PTPRE: variants seen among roughly 807,000 people sequenced by gnomAD.
PTPRE encodes protein tyrosine phosphatase receptor type E, also known as receptor-type tyrosine-protein phosphatase epsilon.
PTPRE carries 51 observed loss-of-function variants against 102.0 expected under a neutral mutation model. That is an observed-to-expected ratio of 0.50 (90% CI 0.40 to 0.63). The LOEUF (loss-of-function observed/expected upper bound fraction) is 0.63, where lower values mean the gene tolerates loss of function less well. Among genes scored for constraint, PTPRE ranks in the 30% least tolerant of loss-of-function variants. The pLI, the probability that PTPRE is intolerant of heterozygous loss-of-function variation, is 0.00. For synonymous variants in PTPRE, 345 were observed against 348.2 expected (o/e 0.99, Z 0.10); for missense variants, 752 against 915.1 (o/e 0.82, Z 2.30).
intron 2 of PTPRE, among the ~76,000 whole-genome samples, chr10:128,035,971 G>C (rs1005724738): frequency 6.6e-6 from 1 of 152,216 alleles, no homozygotes; most frequent in Non-Finnish European, 1.5e-5. Flanking sequence ...GGGCCAGACA[G>C]TGTGATGCCA....
chr10:127,948,998 CT>C (rs1848826195), intron 1 of PTPRE, among the ~76,000 whole-genome samples: 3 of 152,210 alleles, frequency 2.0e-5, no homozygotes, highest in Admixed American at 1.3e-4. Context: ...GGGATACACC[CT>C]GCCTCTCCTG....
intron 1 of PTPRE, among the ~76,000 whole-genome samples, chr10:127,927,818 G>T (rs1235328113): frequency 1.3e-5 from 2 of 152,204 alleles, no homozygotes; most frequent in African/African-American, 4.8e-5. Context: ...TGATTTGATT[G>T]TACTTTTAAA....
intron 2 of PTPRE, among the ~76,000 whole-genome samples, chr10:128,023,872 G>A (rs1846108679): frequency 6.6e-6 from 1 of 152,132 alleles, no homozygotes; most frequent in African/African-American, 2.4e-5. Context: ...ATAATATTTT[G>A]GTCTTGGTAA....
rs73388013 is a variant in PTPRE at position 128,073,223 on chromosome 10, G to C, written c.1465-114G>C. 1,132 of 1,435,278 alleles carry C rather than the reference G, an allele frequency of 7.9e-4. 10 individuals are homozygous for C. In the African/African-American group the frequency reaches 0.014, roughly 18 times the overall value. 88.9% of individuals were successfully genotyped at this position (1,435,278 alleles called of 1,614,324 possible). ...CCAACTGGGGTCTGGTGCAGACCAT[G>C]GAGGATGAGAGAGTTTTCCTCATTA... On this transcript the variant is annotated intron_variant, in intron 16 of 20. Coordinates refer to ENST00000254667, the MANE Select transcript of PTPRE (RefSeq NM_006504.6).
chr10:127,927,715 G>A (rs181073217), intron 1 of PTPRE, among the ~76,000 whole-genome samples: 7 of 152,272 alleles, frequency 4.6e-5, no homozygotes, highest in East Asian at 1.9e-4. Context: ...AGGTTGTCAC[G>A]TCTTTGAGTA....
intron 11 of PTPRE, among the ~76,000 whole-genome samples, chr10:128,067,551 C>T (rs1014251929): frequency 1.6e-4 from 25 of 152,232 alleles, no homozygotes; most frequent in Admixed American, 6.5e-5. Flanking sequence ...TACATGTGCA[C>T]ACACATGCAC....
At chr10:128,034,509 G>T (rs969786371) in intron 2 of PTPRE, among the ~76,000 whole-genome samples, 15 of 149,726 alleles carry the variant, frequency 1.0e-4, no homozygotes, top group Non-Finnish European at 2.0e-4. Context: ...GGGCAACATA[G>T]TGAGACCCCC....
intron 6 of PTPRE, among the ~76,000 whole-genome samples, chr10:128,053,684 G>A (rs190505001): frequency 2.0e-5 from 3 of 152,338 alleles, no homozygotes; most frequent in African/African-American, 7.2e-5. Context: ...ACACGCAACC[G>A]TGGGGTGTCA....
chr10:128,077,827 C>A, intron 19 of PTPRE, 44 bp downstream of exon 19: 2 of 1,549,974 alleles, frequency 1.3e-6, no homozygotes, highest in Admixed American at 3.5e-5. Context: ...TGGACACAGG[C>A]TGCACCCCCC....
chr10:128,009,276 G>A (rs774648194), intron 2 of PTPRE, among the ~76,000 whole-genome samples: 6 of 152,228 alleles, frequency 3.9e-5, no homozygotes, highest in African/African-American at 1.4e-4. Context: ...TTGCCTTCTC[G>A]TTTGGTTGCC....
At chr10:128,037,801 T>C (rs986566292) in intron 2 of PTPRE, among the ~76,000 whole-genome samples, 21 of 152,314 alleles carry the variant, frequency 1.4e-4, no homozygotes, top group Non-Finnish European at 1.5e-4. Context: ...CTTAAAATTC[T>C]GCATTTTTTT....
chr10:128,070,666 C>T lies in PTPRE; in HGVS notation c.1294-142C>T, dbSNP rs2136025293. On this transcript the variant is annotated intron_variant, in intron 14 of 20. Coordinates refer to ENST00000254667, the MANE Select transcript of PTPRE (RefSeq NM_006504.6). The surrounding 1 kb of genome is among the most constrained non-coding windows in gnomAD (Gnocchi z 4.8). ...CCCTACTAGGCACACATTTGTATTT[C>T]CCAATGCTAAGGAGGCTTCCTGGGT... 1.8e-6 allele frequency: 2 copies of T among 1,136,144 alleles called. No homozygotes were observed. Among genetic ancestry groups the T allele is most frequent in the South Asian group, 1.5e-5 (1 of 65,538 alleles). 70.4% of individuals were successfully genotyped at this position (1,136,144 alleles called of 1,614,324 possible).
At chr10:128,025,394 A>G (rs970437113) in intron 2 of PTPRE, among the ~76,000 whole-genome samples, 4 of 152,168 alleles carry the variant, frequency 2.6e-5, no homozygotes, top group African/African-American at 9.7e-5. Context: ...AGGAAACCCC[A>G]TCTGCAGATT....
At position 127,923,175 on chromosome 10, in the gene PTPRE, A is replaced by G. The variant is rs574839184; in HGVS notation, c.-31+15866A>G. Among the ~76,000 whole-genome samples, 10 of 152,332 alleles carry G rather than the reference A, an allele frequency of 6.6e-5. No individual in the cohort carries two copies. In the South Asian group the frequency reaches 2.1e-3, roughly 32 times the overall value. On this transcript the variant is annotated intron_variant, in intron 1 of 20. Coordinates refer to ENST00000254667, the MANE Select transcript of PTPRE (RefSeq NM_006504.6). ...AGTAATAGCAAAGCAAGTCCAAGAA[A>G]TGTCCAGTGTTTTCTCCCTGTTGTT... is the stretch of plus-strand genomic sequence containing the variant.
At chr10:127,956,715 A>T (rs1849429413) in intron 1 of PTPRE, among the ~76,000 whole-genome samples, 1 of 152,216 alleles carries the variant, frequency 6.6e-6, no homozygotes. Context: ...TGTTGCTCCA[A>T]ATCCTTACCA....
intron 3 of PTPRE, among the ~76,000 whole-genome samples, chr10:128,042,528 G>A (rs1847790192): frequency 6.6e-6 from 1 of 152,208 alleles, no homozygotes; most frequent in Non-Finnish European, 1.5e-5. Context: ...TGCGTGCTTA[G>A]CAAGGCTGCT....
chr10:128,015,491 T>C (rs1845345608), intron 2 of PTPRE, among the ~76,000 whole-genome samples: 1 of 152,054 alleles, frequency 6.6e-6, no homozygotes, highest in Non-Finnish European at 1.5e-5. Flanking sequence ...CTCAGCCTCC[T>C]GAGTAGCTGG....
intron 1 of PTPRE, among the ~76,000 whole-genome samples, chr10:127,950,585 AGGCTG>A (rs751378071): frequency 6.6e-5 from 10 of 152,210 alleles, no homozygotes; most frequent in Non-Finnish European, 1.0e-4. Context: ...TCTTCTCTGT[AGGCTG>A]GACTTTACAG....
At chr10:127,975,213 G>A (rs1211049637) in intron 1 of PTPRE, among the ~76,000 whole-genome samples, 3 of 152,178 alleles carry the variant, frequency 2.0e-5, no homozygotes, top group Non-Finnish European at 2.9e-5. Context: ...TTGTGTGAGT[G>A]AGCGGCCTCT....
Sources: allele counts gnomAD v4.1 joint callset (sites outside exome capture counted in the v4.1 genomes callset), GRCh38; gene constraint gnomAD v4.1.1; non-coding constraint Gnocchi (gnomAD v3.1); transcripts MANE v1.5; gene names NCBI Gene and HGNC (gene_info 2026-07-23, HGNC 2026-07-21).